Variants in PTPA observed in about 807,000 individuals in gnomAD.
PTPA encodes protein phosphatase 2 phosphatase activator.
Under a neutral mutation model 43.6 loss-of-function variants are expected in PTPA, and 13 were observed. That is an observed-to-expected ratio of 0.30 (90% CI 0.19 to 0.47). PTPA has a LOEUF of 0.47. PTPA is among the 20% of genes least tolerant of loss of function. PTPA has a pLI of 0.99. For synonymous variants in PTPA, 172 were observed against 158.2 expected (o/e 1.09, Z -0.66); for missense variants, 329 against 411.9 (o/e 0.80, Z 1.74).
chr9:129,143,746 C>T, intron 9 of PTPA: 1 of 262,836 alleles, frequency 3.8e-6, no homozygotes, highest in South Asian at 5.9e-5. Flanking sequence ...GGCCTGAGAG[C>T]CCGTTGGCTG....
chr9:129,122,837 C>T (rs762069506), intron 2 of PTPA, among the ~76,000 whole-genome samples: 23 of 152,274 alleles, frequency 1.5e-4, no homozygotes, highest in East Asian at 9.6e-4. Flanking sequence ...TGGAGATCAG[C>T]GTGTTGCTGT....
rs947922084 is a variant in PTPA at position 129,129,231 on chromosome 9, A to G, written c.342+121A>G. ...GCATATACAAATCTCAGTTTGTTAA[A>G]ATGTCAATTTCACTTAGCAAAATTA... On this transcript the variant is annotated intron_variant, in intron 4 of 9. Transcript: ENST00000393370. 15 of 1,377,498 alleles carry G rather than the reference A, an allele frequency of 1.1e-5. No individual in the cohort carries two copies. The African/African-American group carries it at 1.7e-4, about 16-fold the overall frequency. The allele number at this position is 1,377,498 out of a possible 1,614,324, so 85.3% of individuals were successfully genotyped here. A position where few individuals can be genotyped will look rare whatever the true frequency, so the allele number is the denominator to read the frequency against.
intron 1 of PTPA, among the ~76,000 whole-genome samples, chr9:129,113,628 G>T (rs1268880609): frequency 6.7e-6 from 1 of 149,184 alleles, no homozygotes; most frequent in African/African-American, 2.6e-5. Flanking sequence ...AAATTAGCTG[G>T]GTGTGGTGGC....
intron 1 of PTPA, among the ~76,000 whole-genome samples, chr9:129,113,815 G>A (rs769940650): frequency 6.6e-6 from 1 of 152,036 alleles, no homozygotes. Context: ...AGGACATCAG[G>A]AGATAGGAGA....
At chr9:129,143,635 C>G in intron 9 of PTPA, 2 of 564,300 alleles carry the variant, frequency 3.5e-6, no homozygotes, top group Non-Finnish European at 6.4e-6. Flanking sequence ...CTGAACAGAC[C>G]GGGCCCTCAC....
chr9:129,116,215 C>T (rs1023582819), intron 1 of PTPA, among the ~76,000 whole-genome samples: 21 of 151,532 alleles, frequency 1.4e-4, no homozygotes, highest in African/African-American at 4.6e-4. Context: ...GGCGGAGTCT[C>T]GCTCTGTTGC....
intron 4 of PTPA, among the ~76,000 whole-genome samples, 181 bp from the exon 5 acceptor site, chr9:129,131,341 A>C (rs2131587540): frequency 6.6e-6 from 1 of 152,318 alleles, no homozygotes; most frequent in East Asian, 1.9e-4. Flanking sequence ...TCGCCTGGGT[A>C]GTCTTCTGCT....
At chr9:129,137,786 C>A in intron 8 of PTPA, 94 bp downstream of exon 8, 1 of 1,204,218 alleles carries the variant, frequency 8.3e-7, no homozygotes, top group Non-Finnish European at 1.2e-6. Flanking sequence ...AGAGCCAGAG[C>A]TGCTGCCCAA....
chr9:129,115,113 G>T (rs1848782429), intron 1 of PTPA, among the ~76,000 whole-genome samples: 1 of 152,110 alleles, frequency 6.6e-6, no homozygotes, highest in African/African-American at 2.4e-5. Context: ...TGCAGAGAAT[G>T]GTGATCTCAC....
At chr9:129,125,625 A>C (rs1380787598) in intron 3 of PTPA, among the ~76,000 whole-genome samples, 1 of 152,116 alleles carries the variant, frequency 6.6e-6, no homozygotes, top group Non-Finnish European at 1.5e-5. Flanking sequence ...CCAGCTGGCT[A>C]GTTTCATAAC....
chr9:129,139,380 C>T (rs1376223881), intron 8 of PTPA: 2 of 152,356 alleles, frequency 1.3e-5, no homozygotes, highest in East Asian at 1.9e-4. Flanking sequence ...TTTGAGGCAG[C>T]AGAAGGAACA....
intron 1 of PTPA, among the ~76,000 whole-genome samples, chr9:129,115,862 C>CA (rs1249606780): frequency 1.3e-5 from 2 of 151,594 alleles, no homozygotes; most frequent in African/African-American, 4.9e-5. Flanking sequence ...GGCTTGGTCT[C>CA]AAACTCCTGA....
intron 9 of PTPA, chr9:129,143,782 CAGCT>C: frequency 4.6e-6 from 1 of 219,582 alleles, no homozygotes; most frequent in Non-Finnish European, 9.4e-6. Context: ...CTTCCGGCTG[CAGCT>C]GGCCACCCCC....
rs537058815 is a variant in PTPA, at chr9:129,146,220, C to T, written c.895-1167C>T. ...CCCCTCCCGCCCAGGGACCACCTCCCGCTCCCTGCTCCCGCATTCTGTGTC... is the reference window on the plus strand; with the variant it reads ...CCCCTCCCGCCCAGGGACCACCTCCTGCTCCCTGCTCCCGCATTCTGTGTC... On this transcript the variant is annotated intron_variant, in intron 9 of 9. Coordinates refer to ENST00000393370, the MANE Select transcript of PTPA (RefSeq NM_178000.3). Among the ~76,000 whole-genome samples the T allele has an allele frequency of 6.5e-4, 99 of 152,178 alleles. 1 individual carries two copies. Among genetic ancestry groups the T allele is most frequent in the Non-Finnish European group, 1.2e-3 (83 of 68,022 alleles).
At chr9:129,137,878 G>A in intron 8 of PTPA, 186 bp downstream of exon 8, 1 of 645,344 alleles carries the variant, frequency 1.5e-6, no homozygotes, top group Non-Finnish European at 2.9e-6. Context: ...TGACTGTCAG[G>A]TCCTCCGCCC....
chr9:129,128,904 C>A, intron 3 of PTPA, 81 bp from the exon 4 acceptor site: 1 of 1,560,430 alleles, frequency 6.4e-7, no homozygotes. Flanking sequence ...GGGTCATTGT[C>A]TGGCAGCAGT....
At position 129,131,763 on chromosome 9, in the gene PTPA, C is replaced by A; in HGVS notation, c.460+124C>A. ...CAAGAATTCGCCAAGCACCTGCAAC[C>A]TATTGGGGCCAGCTGGGGTTAGGGT... On this transcript the variant is annotated intron_variant, in intron 5 of 9. Transcript: ENST00000393370. 1.2e-5 allele frequency: 11 copies of A among 937,778 alleles called. No homozygotes were observed. In the South Asian group the frequency reaches 1.5e-4, roughly 13 times the overall value. The allele number at this position is 937,778 out of a possible 1,614,324, so 58.1% of individuals were successfully genotyped here. A position where few individuals can be genotyped will look rare whatever the true frequency, so the allele number is the denominator to read the frequency against.
At position 129,113,422 on chromosome 9, in the gene PTPA, G is replaced by A. The variant is rs187702509; in HGVS notation, c.31+1791G>A. ...TAAGAAAGTTTACAAATTTGTGTCCGGCTACATTCAAAGCTGTCCTGGGCT... is the reference window on the plus strand; with the variant it reads ...TAAGAAAGTTTACAAATTTGTGTCCAGCTACATTCAAAGCTGTCCTGGGCT... On this transcript the variant is annotated intron_variant, in intron 1 of 9. Transcript: ENST00000393370. Among the ~76,000 whole-genome samples the A allele has an allele frequency of 1.3e-4, 19 of 151,748 alleles. No homozygotes were observed. The East Asian group carries it at 2.3e-3, about 19-fold the overall frequency.
At chr9:129,122,060 G>A (rs1415309313) in intron 2 of PTPA, among the ~76,000 whole-genome samples, 1 of 152,128 alleles carries the variant, frequency 6.6e-6, no homozygotes, top group Non-Finnish European at 1.5e-5. Context: ...CCAATCAGGA[G>A]TCACTTGTTC....
Sources: gnomAD v4.1 joint callset for allele counts (sites outside exome capture counted in the v4.1 genomes callset) on GRCh38, gnomAD v4.1.1 for gene constraint, MANE v1.5 for transcripts, NCBI Gene and HGNC (gene_info 2026-07-23, HGNC 2026-07-21) for gene names.